The following PDE8B variants were observed in gnomAD, a reference collection of about 807,000 sequenced individuals.
PDE8B encodes the protein phosphodiesterase 8B.
PDE8B carries 26 observed loss-of-function variants against 101.3 expected under a neutral mutation model. The ratio of observed to expected loss-of-function variants is 0.26; its 90% CI spans 0.19 to 0.36. The LOEUF is 0.36. Among genes scored for constraint, PDE8B ranks in the 10% least tolerant of loss-of-function variants. PDE8B has a pLI of 1.00. For synonymous variants in PDE8B, 424 were observed against 429.3 expected, an observed-to-expected ratio of 0.99 and a Z score of 0.15; for missense variants, 810 against 1,163.1, an observed-to-expected ratio of 0.70 and a Z score of 4.42.
At chr5:77,193,220 A>G in the PDE8B span, among the ~76,000 whole-genome samples, 1 of 152,102 alleles carries the variant, frequency 6.6e-6, no homozygotes, top group Non-Finnish European at 1.5e-5. Flanking sequence ...CATGCCTTTT[A>G]CATTCTTTTA....
chr5:77,276,502 C>T (rs1366633919), intron 1 of PDE8B, among the ~76,000 whole-genome samples: 1 of 152,224 alleles, frequency 6.6e-6, no homozygotes, highest in Non-Finnish European at 1.5e-5. Flanking sequence ...TCTGCCTTGG[C>T]ACCCAGTGGA....
At chr5:77,197,097 C>T in the PDE8B span, among the ~76,000 whole-genome samples, 1 of 143,476 alleles carries the variant, frequency 7.0e-6, no homozygotes, top group Admixed American at 7.3e-5. Flanking sequence ...TTGTACTGAC[C>T]TTTAAAAAAA....
At chr5:77,244,851 C>A (rs1431070245) in intron 1 of PDE8B, among the ~76,000 whole-genome samples, 4 of 152,122 alleles carry the variant, frequency 2.6e-5, no homozygotes, top group African/African-American at 9.7e-5. Context: ...AAGCTAGTCA[C>A]CCCTCAATGT....
intron 10 of PDE8B, among the ~76,000 whole-genome samples, chr5:77,371,620 C>A (rs1306681009): frequency 6.6e-6 from 1 of 152,120 alleles, no homozygotes; most frequent in Non-Finnish European, 1.5e-5. Context: ...ATGTTTCCCC[C>A]AAAAGCCTGC....
chr5:77,335,560 T>C (rs1007806233), intron 5 of PDE8B, among the ~76,000 whole-genome samples: 1 of 121,032 alleles, frequency 8.3e-6, no homozygotes, highest in East Asian at 3.2e-4. Context: ...TGTGTGTGTG[T>C]GTGTGAGAGA....
At chr5:77,254,153 AAG>A (rs1758634040) in intron 1 of PDE8B, among the ~76,000 whole-genome samples, 1 of 152,140 alleles carries the variant, frequency 6.6e-6, no homozygotes. Context: ...CAGATACAAA[AAG>A]AATCTGGTTG....
chr5:77,146,562 C>T, the PDE8B span: 6 of 209,216 alleles, frequency 2.9e-5, no homozygotes, highest in Non-Finnish European at 9.8e-6. Flanking sequence ...GGAAAAATAA[C>T]TAAACATGGG....
intron 19 of PDE8B, 101 bp downstream of exon 19, chr5:77,419,988 G>A (rs555650964): frequency 2.2e-6 from 3 of 1,383,220 alleles, no homozygotes; most frequent in East Asian, 2.3e-5. Context: ...ATGTAAGGTG[G>A]TTATTTACTT....
chr5:77,217,540 A>T (rs1048139664), intron 1 of PDE8B, among the ~76,000 whole-genome samples: 6 of 145,156 alleles, frequency 4.1e-5, no homozygotes, highest in Admixed American at 2.8e-4. Context: ...GAAAACACCA[A>T]TTTTTTTTTT....
At chr5:77,188,057 T>C in the PDE8B span, among the ~76,000 whole-genome samples, 1 of 152,322 alleles carries the variant, frequency 6.6e-6, no homozygotes, top group Admixed American at 6.5e-5. Flanking sequence ...TATTTTCTAG[T>C]TCCAGTTAGT....
intron 1 of PDE8B, among the ~76,000 whole-genome samples, chr5:77,270,102 G>A (rs945054531): frequency 9.9e-5 from 15 of 152,132 alleles, no homozygotes; most frequent in African/African-American, 3.4e-4. Flanking sequence ...TATAATCCAT[G>A]GACATGGAAT....
At chr5:77,382,915 T>C (rs1286781604) in intron 10 of PDE8B, among the ~76,000 whole-genome samples, 2 of 152,206 alleles carry the variant, frequency 1.3e-5, no homozygotes, top group African/African-American at 2.4e-5. Flanking sequence ...CATGTGTCTT[T>C]ATAGCAGCAT....
intron 6 of PDE8B, among the ~76,000 whole-genome samples, chr5:77,341,804 C>T (rs1286651483): frequency 2.0e-5 from 3 of 152,176 alleles, no homozygotes; most frequent in Non-Finnish European, 4.4e-5. Context: ...CCCTTTTATT[C>T]TTGTTTCTTA....
At chr5:77,357,694 C>G (rs944913485) in intron 10 of PDE8B, among the ~76,000 whole-genome samples, 1 of 152,212 alleles carries the variant, frequency 6.6e-6, no homozygotes, top group Non-Finnish European at 1.5e-5. Flanking sequence ...CTCACAGCCC[C>G]CTGAACCCAC....
the PDE8B span, among the ~76,000 whole-genome samples, chr5:77,116,054 G>C: frequency 6.6e-6 from 1 of 151,802 alleles, no homozygotes; most frequent in Non-Finnish European, 1.5e-5. Context: ...AAGAACTTGT[G>C]CTATTTAGAA....
chr5:77,199,991 T>C, the PDE8B span, among the ~76,000 whole-genome samples: 1 of 151,324 alleles, frequency 6.6e-6, no homozygotes, highest in Admixed American at 6.6e-5. Flanking sequence ...TAAAACATAA[T>C]GGGACTTTTG....
chr5:77,292,895 G>A (rs1181195560), intron 1 of PDE8B, among the ~76,000 whole-genome samples: 2 of 151,918 alleles, frequency 1.3e-5, no homozygotes, highest in Non-Finnish European at 2.9e-5. Context: ...TGTCTTTGAT[G>A]TTATTTTTAA....
At chr5:77,344,036 C>T (rs1779711890) in intron 6 of PDE8B, among the ~76,000 whole-genome samples, 1 of 152,184 alleles carries the variant, frequency 6.6e-6, no homozygotes, top group Admixed American at 6.5e-5. Context: ...ATGGAGCTGT[C>T]ACCTTCTATG....
intron 1 of PDE8B, among the ~76,000 whole-genome samples, chr5:77,237,686 C>A (rs556265867): frequency 4.6e-5 from 7 of 152,138 alleles, no homozygotes; most frequent in Non-Finnish European, 1.0e-4. Context: ...CAATCTATTG[C>A]TTTTCCTTCA....
Sources: allele counts gnomAD v4.1 joint callset (sites outside exome capture counted in the v4.1 genomes callset), GRCh38; gene constraint gnomAD v4.1.1; transcripts MANE v1.5; gene names NCBI Gene and HGNC (gene_info 2026-07-23, HGNC 2026-07-21).